Variants in CHODL observed in about 807,000 individuals in gnomAD.
CHODL encodes the protein transmembrane protein MT75.
CHODL carries 29 observed loss-of-function variants against 34.5 expected under a neutral mutation model. That is an observed-to-expected ratio of 0.84 (90% CI 0.63 to 1.15). The LOEUF is 1.15. CHODL is among the 50% of genes most tolerant of loss of function. The pLI, the probability that CHODL is intolerant of heterozygous loss-of-function variation, is 0.00. For missense variants in CHODL, 332 were observed against 332.5 expected, an observed-to-expected ratio of 1.00 and a Z score of 0.01; for synonymous variants, 125 against 116.1, an observed-to-expected ratio of 1.08 and a Z score of -0.49.
In CHODL at chr21:18,157,030, G is replaced by C. The variant is rs76956625; in HGVS notation, c.-44-99479G>C. On this transcript the variant is annotated intron_variant, in intron 2 of 6. Transcript: ENST00000400127. ...TGCAAGTTCAAAGTTCCAAGTTTAA[G>C]TGTTGCGGCGAAGAAGGCAGAAGTT... 5.0e-3 allele frequency among the ~76,000 whole-genome samples: 759 copies of C among 152,292 alleles called. 5 individuals carry two copies. Among genetic ancestry groups the C allele is most frequent in the African/African-American group, 0.017 (718 of 41,558 alleles).
Position 18,256,622 on chromosome 21 carries a change from G to A in CHODL, c.193G>A (p.Gly65Arg). The stretch of plus-strand genomic sequence containing the variant: ...GGCACGCCTGGCTTGTGAGAGTGAG[G>A]GAGGAGTCCTCCTCAGCCTTGAGAA... Reference protein sequence around the residue: ...QEARLACESEGGVLLSLENEA... With the variant: ...QEARLACESERGVLLSLENEA... The change falls in exon 2 of 6, where the codon GGA becomes AGA. Residue 65 changes from glycine to arginine, a missense_variant. Gly to Arg is a moderately radical substitution (Grantham distance 125, BLOSUM62 -2). Transcript: ENST00000299295. 1.9e-6 allele frequency: 3 copies of A among 1,613,998 alleles called. No individual in the cohort carries two copies. The highest frequency in any genetic ancestry group is 1.3e-5 in the African/African-American group (1 of 75,018).
intron 1 of CHODL, among the ~76,000 whole-genome samples, chr21:17,967,744 C>CT (rs1358958503): frequency 6.6e-6 from 1 of 151,902 alleles, no homozygotes. Context: ...TAACTAGGGT[C>CT]TTTTTTCAAG....
At chr21:18,238,113 G>T (rs1422878766) in intron 2 of CHODL, among the ~76,000 whole-genome samples, 1 of 152,056 alleles carries the variant, frequency 6.6e-6, no homozygotes, top group Non-Finnish European at 1.5e-5. Context: ...TTGTCCTAAA[G>T]CTTCTCAGCA....
At chr21:18,085,915 A>C (rs1469409925) in intron 2 of CHODL, among the ~76,000 whole-genome samples, 1 of 151,924 alleles carries the variant, frequency 6.6e-6, no homozygotes, top group Admixed American at 6.6e-5. Context: ...AGACATGGGA[A>C]GTTTTCATTG....
chr21:17,972,765 C>G (rs1441915667), intron 1 of CHODL, among the ~76,000 whole-genome samples: 2 of 152,130 alleles, frequency 1.3e-5, no homozygotes, highest in East Asian at 3.8e-4. Context: ...CTACCATTGG[C>G]TGTTTTCACA....
At chr21:18,087,701 G>A (rs982730804) in intron 2 of CHODL, among the ~76,000 whole-genome samples, 1 of 152,082 alleles carries the variant, frequency 6.6e-6, no homozygotes, top group Non-Finnish European at 1.5e-5. Context: ...AAGCAGTGTG[G>A]GAAGAAGTTT....
chr21:18,129,611 C>T (rs2072627565), intron 2 of CHODL, among the ~76,000 whole-genome samples: 1 of 152,150 alleles, frequency 6.6e-6, no homozygotes, highest in Admixed American at 6.5e-5. Context: ...GTGATCCTAA[C>T]ATCATCTGGC....
chr21:18,076,899 G>C (rs2064873274), intron 2 of CHODL, among the ~76,000 whole-genome samples: 1 of 152,184 alleles, frequency 6.6e-6, no homozygotes, highest in African/African-American at 2.4e-5. Context: ...TCCAGACAGA[G>C]GAACAGAGCT....
intron 1 of CHODL, among the ~76,000 whole-genome samples, chr21:17,944,824 G>A (rs1344927082): frequency 6.6e-6 from 1 of 152,204 alleles, no homozygotes; most frequent in African/African-American, 2.4e-5. Context: ...CAAAGAACTT[G>A]TAAGGACCAG....
At chr21:18,096,978 C>A (rs761430923) in intron 2 of CHODL, among the ~76,000 whole-genome samples, 2 of 152,018 alleles carry the variant, frequency 1.3e-5, no homozygotes, top group South Asian at 2.1e-4. Flanking sequence ...CGACACTTAG[C>A]GAAAATAGAA....
At position 17,923,462 on chromosome 21, in the gene CHODL, G is replaced by GTTTT. The variant is rs71318108; in HGVS notation, c.-145+6076_-145+6079dup. Among the ~76,000 whole-genome samples the GTTTT allele has an allele frequency of 5.8e-4, 76 of 130,666 alleles. 5 individuals are homozygous for GTTTT. Among genetic ancestry groups the GTTTT allele is most frequent in the African/African-American group, 1.2e-3 (41 of 34,534 alleles). The allele number at this position is 130,666 out of a possible 152,430, so 85.7% of individuals were successfully genotyped here. The stretch of plus-strand genomic sequence containing the variant: ...ATATAACATTTTCCCTAATTCTTCA[G>GTTTT]TTTTTTTTTTTTTTTTTGAGACGAA... On this transcript the variant is annotated intron_variant, in intron 1 of 6. Transcript: ENST00000400127.
intron 2 of CHODL, among the ~76,000 whole-genome samples, chr21:18,225,199 A>G (rs1040923264): frequency 2.6e-5 from 4 of 152,172 alleles, no homozygotes; most frequent in African/African-American, 9.6e-5. Flanking sequence ...CGTTATCATG[A>G]ATGTAGTAAC....
chr21:18,171,558 A>C lies in CHODL; in HGVS notation c.-44-84951A>C, dbSNP rs558409524. ...AAGAGCCAATTTAAAATCTTTGTTTAGCAACTTCAGTGTTTGGATATCATT... is the reference window on the plus strand; with the variant it reads ...AAGAGCCAATTTAAAATCTTTGTTTCGCAACTTCAGTGTTTGGATATCATT... On this transcript the variant is annotated intron_variant, in intron 2 of 6. Transcript: ENST00000400127. Among the ~76,000 whole-genome samples the C allele has an allele frequency of 5.3e-5, 8 of 152,182 alleles. No individual in the cohort carries two copies. In the South Asian group the frequency reaches 8.3e-4, roughly 16 times the overall value.
intron 2 of CHODL, among the ~76,000 whole-genome samples, chr21:18,173,131 T>C (rs1056857949): frequency 6.6e-6 from 1 of 152,208 alleles, no homozygotes; most frequent in Non-Finnish European, 1.5e-5. Flanking sequence ...TTAAAAAGCT[T>C]ATCTGCTTAT....
In CHODL at chr21:18,179,832, A is replaced by T. The variant is rs568024377; in HGVS notation, c.-44-76677A>T. Among the ~76,000 whole-genome samples the T allele has an allele frequency of 2.4e-4, 36 of 152,244 alleles. 1 individual carries two copies. Among genetic ancestry groups the T allele is most frequent in the African/African-American group, 4.3e-4 (18 of 41,558 alleles). The stretch of plus-strand genomic sequence containing the variant: ...TACCTGTCTTAACACTGTAATTTTT[A>T]ATTTTTGTTGACAACATATGACCTT... On this transcript the variant is annotated intron_variant, in intron 2 of 6. Transcript: ENST00000400127.
chr21:18,056,702 T>G (rs2064585734), intron 2 of CHODL, among the ~76,000 whole-genome samples: 1 of 152,060 alleles, frequency 6.6e-6, no homozygotes, highest in Admixed American at 6.6e-5. Flanking sequence ...GAGAGATTTC[T>G]TCAACTTTTA....
At chr21:18,101,209 C>G (rs569866166) in intron 2 of CHODL, among the ~76,000 whole-genome samples, 1 of 152,212 alleles carries the variant, frequency 6.6e-6, no homozygotes, top group South Asian at 2.1e-4. Context: ...CTCTTTTTGC[C>G]TGCTGTCTTC....
intron 2 of CHODL, among the ~76,000 whole-genome samples, chr21:18,204,737 T>TATA (rs1171269445): frequency 6.6e-6 from 1 of 152,200 alleles, no homozygotes; most frequent in Non-Finnish European, 1.5e-5. Context: ...CACCCCTGAG[T>TATA]ATAACCCTGG....
chr21:18,158,303 T>A (rs1426475183), intron 2 of CHODL, among the ~76,000 whole-genome samples: 1 of 152,238 alleles, frequency 6.6e-6, no homozygotes, highest in African/African-American at 2.4e-5. Context: ...TTCAGTTTTA[T>A]GAAGATGGCC....
Sources: allele counts gnomAD v4.1 joint callset (sites outside exome capture counted in the v4.1 genomes callset), GRCh38; gene constraint gnomAD v4.1.1; transcripts MANE v1.5; gene names NCBI Gene and HGNC (gene_info 2026-07-23, HGNC 2026-07-21).